Variants in ANKRD31 observed in about 807,000 individuals in gnomAD.
ANKRD31 encodes the protein ankyrin repeat domain 31.
A neutral mutation model predicts 186.0 loss-of-function variants in ANKRD31; 147 were observed. The ratio of observed to expected loss-of-function variants is 0.79; its 90% CI spans 0.69 to 0.91. The LOEUF is 0.91. Ranked by LOEUF, ANKRD31 falls within the 40% of genes least tolerant of loss-of-function variation. The probability of loss-of-function intolerance (pLI) is 0.00; values close to 1 mark genes in which losing one functional copy is unlikely to be tolerated. For missense variants in ANKRD31, 1,986 were observed against 2,148.8 expected (o/e 0.92, Z 1.50); for synonymous variants, 673 against 736.4 (o/e 0.91, Z 1.39).
At chr5:75,179,873 T>C (rs1754144040) in intron 10 of ANKRD31, among the ~76,000 whole-genome samples, 1 of 152,138 alleles carries the variant, frequency 6.6e-6, no homozygotes, top group South Asian at 2.1e-4. Flanking sequence ...CTTTTGGAAG[T>C]TCTGGCCAGG....
At chr5:75,218,088 A>G (rs931636621) in intron 3 of ANKRD31, among the ~76,000 whole-genome samples, 5 of 152,140 alleles carry the variant, frequency 3.3e-5, no homozygotes, top group Admixed American at 6.6e-5. Flanking sequence ...AGAAATATCC[A>G]AAAATCAGAG....
intron 17 of ANKRD31, among the ~76,000 whole-genome samples, chr5:75,135,865 C>A (rs996836784): frequency 2.6e-5 from 4 of 152,108 alleles, no homozygotes; most frequent in Non-Finnish European, 5.9e-5. Context: ...TAATACCACA[C>A]ATCTACAATG....
intron 22 of ANKRD31, among the ~76,000 whole-genome samples, chr5:75,101,955 C>T (rs1254039656): frequency 6.6e-6 from 1 of 152,232 alleles, no homozygotes; most frequent in East Asian, 1.9e-4. Context: ...TTCCATCCAG[C>T]TTTGTTCCGT....
chr5:75,146,133 G>A lies in ANKRD31; in HGVS notation c.3278C>T (p.Thr1093Ile). 1.3e-6 allele frequency: 2 copies of A among 1,535,560 alleles called. No homozygotes were observed. The highest frequency in any genetic ancestry group is 1.7e-6 in the Non-Finnish European group (2 of 1,146,122). ...GTTTTGTCTCCTTTTTTCAACTTTA[G>A]TTGTTTCTATTACTTGAGAATGAGC... ...IVAHSQVIETTKVEKRRQNHL... is the reference protein window; with the variant it reads ...IVAHSQVIETIKVEKRRQNHL... Residue 1093 changes from threonine (T) to isoleucine (I), a missense_variant, in exon 14 of 26, where the codon ACT (threonine) becomes ATT (isoleucine). By Grantham distance (89) the Thr-to-Ile change is moderately conservative (BLOSUM62 -1). Coordinates refer to ENST00000506364, the MANE Select transcript of ANKRD31 (RefSeq NM_001372053.1).
At chr5:75,212,027 G>T (rs996767000) in intron 3 of ANKRD31, among the ~76,000 whole-genome samples, 3 of 151,972 alleles carry the variant, frequency 2.0e-5, no homozygotes, top group Non-Finnish European at 4.4e-5. Flanking sequence ...TGTGCTTTTG[G>T]TGTGATAACT....
At chr5:75,124,576 AAC>A (rs113135017) in intron 17 of ANKRD31, among the ~76,000 whole-genome samples, 5,650 of 152,034 alleles carry the variant, frequency 0.037, 212 homozygotes, top group Admixed American at 0.095. Flanking sequence ...TGTGGTAAAT[AAC>A]ACACACACAC....
chr5:75,091,888 C>T (rs1002998739), intron 22 of ANKRD31, among the ~76,000 whole-genome samples: 7 of 152,166 alleles, frequency 4.6e-5, no homozygotes, highest in African/African-American at 1.2e-4. Flanking sequence ...ACCTTTGGCA[C>T]GGCACCACGG....
intron 17 of ANKRD31, among the ~76,000 whole-genome samples, chr5:75,119,866 A>G (rs1201140294): frequency 6.6e-6 from 1 of 152,090 alleles, no homozygotes; most frequent in African/African-American, 2.4e-5. Context: ...CATTTTTTTC[A>G]TATGTTTGTT....
chr5:75,147,560 A>G lies in ANKRD31; in HGVS notation c.1906-55T>C, dbSNP rs530603629. The stretch of plus-strand genomic sequence containing the variant: ...AATTTTCAGCGGTAGTACTATATCA[A>G]TTCAATCTGGATTATTGATAAATCA... On this transcript the variant is annotated intron_variant, in intron 13 of 25. Coordinates refer to ENST00000506364, the MANE Select transcript of ANKRD31 (RefSeq NM_001372053.1). 7.9e-5 allele frequency: 86 copies of G among 1,093,244 alleles called. No homozygotes were observed. The African/African-American group carries it at 1.2e-3, about 15-fold the overall frequency. The allele number at this position is 1,093,244 out of a possible 1,614,324, so 67.7% of individuals were successfully genotyped here.
At position 75,080,570 on chromosome 5, in the gene ANKRD31, T is replaced by C; in HGVS notation, c.5645A>G (p.Gln1882Arg). The change falls in exon 25 of 26, where the codon CAA becomes CGA. Residue 1882 changes from glutamine to arginine, a missense_variant and splice_region_variant. Physicochemically the swap from Gln to Arg is conservative, Grantham distance 43. Transcript: ENST00000506364. Reference sequence around the variant, plus strand: ...TGAATATTTTCTTTTTTTTTTACCTTGTCCAAATTTTGTTTTCTCAAACAT... The same window carrying C: ...TGAATATTTTCTTTTTTTTTTACCTCGTCCAAATTTTGTTTTCTCAAACAT... ...KSMFEKTKFG[Q>R]GTSRESMQSS... 6.6e-7 allele frequency: 1 copy of C among 1,525,904 alleles called. No homozygotes were observed. The highest frequency in any genetic ancestry group is 8.8e-7 in the Non-Finnish European group (1 of 1,140,286). The allele number at this position is 1,525,904 out of a possible 1,614,324, so 94.5% of individuals were successfully genotyped here.
intron 5 of ANKRD31, among the ~76,000 whole-genome samples, chr5:75,204,424 G>C (rs953639933): frequency 6.6e-6 from 1 of 152,074 alleles, no homozygotes; most frequent in African/African-American, 2.4e-5. Flanking sequence ...ACTTCACAAA[G>C]GTTATTTTTT....
At position 75,073,579 on chromosome 5, in the gene ANKRD31, T is replaced by C. The variant is rs564229443; in HGVS notation, c.5648-4915A>G. Among the ~76,000 whole-genome samples the C allele has an allele frequency of 2.6e-5, 4 of 152,352 alleles. 1 individual carries two copies. In the South Asian group the frequency reaches 8.3e-4, roughly 32 times the overall value. ...TTGTTTGGAAAACAGTGCTTTCTTA[T>C]GGACATTTGTTAGCTTAGTAATTTC... On this transcript the variant is annotated intron_variant, in intron 25 of 25. Coordinates refer to ENST00000506364, the MANE Select transcript of ANKRD31 (RefSeq NM_001372053.1).
At chr5:75,167,810 C>T (rs1452548500) in intron 11 of ANKRD31, among the ~76,000 whole-genome samples, 1 of 152,136 alleles carries the variant, frequency 6.6e-6, no homozygotes, top group Admixed American at 6.5e-5. Context: ...AATTAAAATG[C>T]TCAGGGCTCA....
chr5:75,188,682 A>G (rs1423216537), intron 9 of ANKRD31, 34 bp from the exon 10 acceptor site: 1 of 1,481,152 alleles, frequency 6.8e-7, no homozygotes, highest in Non-Finnish European at 9.0e-7. Flanking sequence ...GAAAAAAATC[A>G]TTATTTGAAT....
rs951388355 is a variant in ANKRD31 at position 75,116,439 on chromosome 5, T to A, written c.4155+127A>T. On this transcript the variant is annotated intron_variant, in intron 19 of 25. Coordinates refer to ENST00000506364, the MANE Select transcript of ANKRD31 (RefSeq NM_001372053.1). ...ATAAAAAATAAATAAATAAATAAAA[T>A]AAATAAAAAATTTCTATCTTTGTAT... 1.7e-4 allele frequency: 57 copies of A among 328,654 alleles called. 1 individual carries two copies. The highest frequency in any genetic ancestry group is 8.5e-4 in the African/African-American group (39 of 46,068). 20.4% of individuals were successfully genotyped at this position (328,654 alleles called of 1,614,324 possible). A position where few individuals can be genotyped will look rare whatever the true frequency, so the allele number is the denominator to read the frequency against.
At chr5:75,077,283 C>T (rs78579725) in intron 25 of ANKRD31, among the ~76,000 whole-genome samples, 22,359 of 152,080 alleles carry the variant, frequency 0.15, 1,879 homozygotes, top group South Asian at 0.37. Flanking sequence ...GTTGTCCAGG[C>T]TGGTCTCAAA....
chr5:75,223,385 C>A (rs1301903183), intron 2 of ANKRD31, among the ~76,000 whole-genome samples: 1 of 152,082 alleles, frequency 6.6e-6, no homozygotes, highest in African/African-American at 2.4e-5. Context: ...GACTTAAACA[C>A]CACTAGAATA....
chr5:75,148,616 C>G lies in ANKRD31; in HGVS notation c.1865G>C (p.Ser622Thr), dbSNP rs762395286. 6.6e-7 allele frequency: 1 copy of G among 1,525,406 alleles called. No individual in the cohort carries two copies. The highest frequency in any genetic ancestry group is 1.2e-5 in the South Asian group (1 of 81,694). 94.5% of individuals were successfully genotyped at this position (1,525,406 alleles called of 1,614,324 possible). A position where few individuals can be genotyped will look rare whatever the true frequency, so the allele number is the denominator to read the frequency against. The change falls in exon 13 of 26, where the codon AGC (serine) becomes ACC (threonine). Residue 622 changes from serine to threonine, a missense_variant. By Grantham distance (58) the Ser-to-Thr change is moderately conservative. Transcript: ENST00000506364. The part of the protein sequence containing the change: ...QKCLTSAQRS[S>T]IDPLDIEDVY... ...ATCCTCTATGTCTAGTGGGTCAATG[C>G]TACTCCTTTGAGCTGTAAACAAAAA...
intron 11 of ANKRD31, among the ~76,000 whole-genome samples, chr5:75,161,219 T>C (rs1404777688): frequency 6.6e-6 from 1 of 152,192 alleles, no homozygotes; most frequent in Non-Finnish European, 1.5e-5. Context: ...AAAATGCTGA[T>C]AATGATGTGG....
Sources: gnomAD v4.1 joint callset for allele counts (sites outside exome capture counted in the v4.1 genomes callset) on GRCh38, gnomAD v4.1.1 for gene constraint, MANE v1.5 for transcripts, NCBI Gene and HGNC (gene_info 2026-07-23, HGNC 2026-07-21) for gene names.